Variants in LCOR observed in about 807,000 individuals in gnomAD.
LCOR encodes the protein ligand dependent nuclear receptor corepressor.
In LCOR, 14 loss-of-function variants were observed where a neutral mutation model predicts 64.4. That is an observed-to-expected ratio of 0.22 (90% CI 0.14 to 0.34). The LOEUF (loss-of-function observed/expected upper bound fraction) is 0.34. Among genes scored for constraint, LCOR ranks in the 10% least tolerant of loss-of-function variants. The probability of loss-of-function intolerance (pLI) is 1.00; values close to 1 mark genes in which losing one functional copy is unlikely to be tolerated. For missense variants in LCOR, 1,686 were observed against 1,765.3 expected (o/e 0.96, Z 0.80); for synonymous variants, 643 against 642.5 (o/e 1.00, Z -0.01).
intron 2 of LCOR, among the ~76,000 whole-genome samples, chr10:96,849,056 A>AT (rs1845681617): frequency 9.3e-6 from 1 of 107,804 alleles, no homozygotes; most frequent in Non-Finnish European, 1.9e-5. Context: ...CACCTGGCTA[A>AT]TTGTCTTTTT....
intron 7 of LCOR, among the ~76,000 whole-genome samples, chr10:96,969,873 G>C (rs966117991): frequency 2.8e-5 from 4 of 145,100 alleles, no homozygotes; most frequent in African/African-American, 7.7e-5. Flanking sequence ...TCCGAGTCTT[G>C]GGTTCACACC....
chr10:96,836,080 A>G (rs1036713068), intron 2 of LCOR, among the ~76,000 whole-genome samples: 2 of 152,212 alleles, frequency 1.3e-5, no homozygotes, highest in African/African-American at 4.8e-5. Context: ...GCTTAGCTCT[A>G]GCTTGGCTAA....
intron 2 of LCOR, among the ~76,000 whole-genome samples, chr10:96,850,701 G>C (rs145743007): frequency 9.7e-4 from 148 of 152,190 alleles, no homozygotes; most frequent in African/African-American, 3.3e-3. Flanking sequence ...CCTCTCACCT[G>C]TCTCCCAAAG....
chr10:96,941,690 C>T (rs879341804), intron 4 of LCOR, among the ~76,000 whole-genome samples: 4,419 of 124,768 alleles, frequency 0.035, no homozygotes, highest in African/African-American at 0.04. Context: ...TCAGACGGGG[C>T]GGTTGCTAGG....
rs892136513 is a variant in LCOR, at chr10:96,980,713, C to T, written c.333-80C>T. The T allele has an allele frequency of 6.6e-6, 4 of 602,896 alleles. No individual in the cohort carries two copies. In the Admixed American group the frequency reaches 8.9e-5, roughly 13 times the overall value. The allele number at this position is 602,896 out of a possible 1,614,324, so 37.3% of individuals were successfully genotyped here. A position where few individuals can be genotyped will look rare whatever the true frequency, so the allele number is the denominator to read the frequency against. The stretch of plus-strand genomic sequence containing the variant: ...AATAAATAAATAATAAAATGAATAA[C>T]GTTGGGTGAATTTTATAATGTAAAA... On this transcript the variant is annotated intron_variant, in intron 7 of 7. Coordinates refer to ENST00000421806, the MANE Select transcript of LCOR (RefSeq NM_001346516.2).
chr10:96,974,961 G>A (rs933218785), intron 7 of LCOR, among the ~76,000 whole-genome samples: 1 of 152,206 alleles, frequency 6.6e-6, no homozygotes, highest in Non-Finnish European at 1.5e-5. Context: ...CTGAGGTCAG[G>A]CGCTTAAGAC....
chr10:96,970,130 G>T (rs1340503428), intron 7 of LCOR, among the ~76,000 whole-genome samples: 3 of 151,230 alleles, frequency 2.0e-5, no homozygotes, highest in Non-Finnish European at 4.4e-5. Flanking sequence ...GGGTGCGGTG[G>T]GTCACGCCTG....
intron 2 of LCOR, among the ~76,000 whole-genome samples, chr10:96,834,904 T>C (rs1470018070): frequency 6.6e-6 from 1 of 152,236 alleles, no homozygotes; most frequent in African/African-American, 2.4e-5. Flanking sequence ...TTTTTGTTGT[T>C]GTTTTTTCTT....
At chr10:96,845,401 A>G (rs550637837) in intron 2 of LCOR, among the ~76,000 whole-genome samples, 2 of 137,802 alleles carry the variant, frequency 1.5e-5, no homozygotes, top group East Asian at 4.2e-4. Context: ...ATTTTTATTC[A>G]TCTAGTAAAG....
chr10:96,838,800 G>GT (rs1845490524), intron 2 of LCOR, among the ~76,000 whole-genome samples: 1 of 152,228 alleles, frequency 6.6e-6, no homozygotes, highest in Non-Finnish European at 1.5e-5. Flanking sequence ...TTGTGTACAA[G>GT]TTTTTGTGTG....
chr10:96,879,705 C>G (rs1457749449), intron 2 of LCOR, among the ~76,000 whole-genome samples: 1 of 152,172 alleles, frequency 6.6e-6, no homozygotes, highest in Non-Finnish European at 1.5e-5. Context: ...CTCTGTCGCC[C>G]AGGCTGGAGT....
intron 2 of LCOR, among the ~76,000 whole-genome samples, chr10:96,880,345 A>C (rs1846242042): frequency 6.6e-6 from 1 of 152,202 alleles, no homozygotes; most frequent in Admixed American, 6.5e-5. Flanking sequence ...TAGCATTGAG[A>C]AAATATATTT....
intron 2 of LCOR, among the ~76,000 whole-genome samples, chr10:96,847,411 TTTA>T (rs1845649214): frequency 7.4e-6 from 1 of 134,916 alleles, no homozygotes; most frequent in Non-Finnish European, 1.5e-5. Flanking sequence ...GAGTATTTTA[TTTA>T]TTTATTTATT....
At chr10:96,891,653 C>G (rs1358447668) in intron 2 of LCOR, among the ~76,000 whole-genome samples, 2 of 145,114 alleles carry the variant, frequency 1.4e-5, no homozygotes, top group African/African-American at 5.0e-5. Context: ...AGCAGTTCTC[C>G]TGTCTCAGCC....
intron 5 of LCOR, among the ~76,000 whole-genome samples, chr10:96,947,692 C>G (rs1333600598): frequency 2.0e-5 from 3 of 151,176 alleles, no homozygotes; most frequent in Non-Finnish European, 4.4e-5. Flanking sequence ...CACTAATCAC[C>G]TATATAAATT....
At chr10:96,832,549 G>T in intron 1 of LCOR, 150 bp downstream of exon 1, 1 of 169,136 alleles carries the variant, frequency 5.9e-6, no homozygotes, top group Non-Finnish European at 1.1e-5. Flanking sequence ...ACCCCCCGGA[G>T]TGTGAGCGCG....
intron 2 of LCOR, among the ~76,000 whole-genome samples, chr10:96,835,099 C>T (rs1845419841): frequency 6.6e-6 from 1 of 152,168 alleles, no homozygotes; most frequent in Non-Finnish European, 1.5e-5. Context: ...CGGGGTTTCA[C>T]CATATTGGCC....
intron 7 of LCOR, chr10:96,955,503 A>G (rs750637551): frequency 1.8e-5 from 29 of 1,614,068 alleles, no homozygotes; most frequent in East Asian, 4.5e-5. Flanking sequence ...ATTAAGGGCT[A>G]TTCTTCCAAA....
At chr10:96,910,863 C>A (rs943174158) in intron 4 of LCOR, among the ~76,000 whole-genome samples, 4 of 152,116 alleles carry the variant, frequency 2.6e-5, no homozygotes, top group African/African-American at 7.2e-5. Context: ...AATACTAACT[C>A]TGTAGAATGG....
Sources: gnomAD v4.1 joint callset for allele counts (sites outside exome capture counted in the v4.1 genomes callset) on GRCh38, gnomAD v4.1.1 for gene constraint, MANE v1.5 for transcripts, NCBI Gene and HGNC (gene_info 2026-07-23, HGNC 2026-07-21) for gene names.